Variants in CACNA1E observed in about 807,000 individuals in gnomAD.
CACNA1E encodes the protein voltage-dependent R-type calcium channel subunit alpha-1E.
Under a neutral mutation model 259.2 loss-of-function variants are expected in CACNA1E, and 40 were observed. The ratio of observed to expected loss-of-function variants is 0.15; its 90% CI spans 0.12 to 0.20. The LOEUF (loss-of-function observed/expected upper bound fraction) is 0.20. Ranked by LOEUF, CACNA1E falls within the 10% of genes least tolerant of loss-of-function variation. The probability of loss-of-function intolerance (pLI) is 1.00; values close to 1 mark genes in which losing one functional copy is unlikely to be tolerated. For synonymous variants in CACNA1E, 1,104 were observed against 1,138.5 expected (o/e 0.97, Z 0.61); for missense variants, 1,874 against 3,040.1 (o/e 0.62, Z 9.02).
At chr1:181,647,613 G>C (rs1003944318) in intron 6 of CACNA1E, among the ~76,000 whole-genome samples, 2 of 152,194 alleles carry the variant, frequency 1.3e-5, no homozygotes, top group African/African-American at 4.8e-5. Context: ...GTCGGTTGCT[G>C]CTGCTTTTTT....
chr1:181,686,275 G>GTTTTT (rs66526388), intron 7 of CACNA1E, among the ~76,000 whole-genome samples: 2 of 58,634 alleles, frequency 3.4e-5, no homozygotes, highest in Non-Finnish European at 6.3e-5. Flanking sequence ...TAAGAACCAA[G>GTTTTT]TTTTTTTTTT....
intron 7 of CACNA1E, among the ~76,000 whole-genome samples, chr1:181,662,129 G>A (rs976547937): frequency 9.9e-5 from 15 of 152,158 alleles, no homozygotes; most frequent in African/African-American, 2.4e-5. Context: ...GTGTGACCAT[G>A]GGGGTCACAT....
intron 2 of CACNA1E, among the ~76,000 whole-genome samples, chr1:181,472,879 T>C (rs1375012628): frequency 2.0e-5 from 3 of 152,230 alleles, no homozygotes; most frequent in African/African-American, 7.2e-5. Flanking sequence ...ACCTGAACAT[T>C]ATAGACTCCT....
chr1:181,565,933 C>A (rs1649784188), intron 3 of CACNA1E, among the ~76,000 whole-genome samples: 1 of 152,096 alleles, frequency 6.6e-6, no homozygotes, highest in Non-Finnish European at 1.5e-5. Flanking sequence ...AACAGAAATC[C>A]CTCGCCACTG....
upstream of CACNA1E, among the ~76,000 whole-genome samples, chr1:181,481,351 C>G (rs1663223681): frequency 6.6e-6 from 1 of 151,742 alleles, no homozygotes; most frequent in African/African-American, 2.4e-5. Context: ...CACACACACA[C>G]ACACACACAC....
At chr1:181,340,086 C>G (rs1363642542) in intron 1 of CACNA1E, among the ~76,000 whole-genome samples, 1 of 150,926 alleles carries the variant, frequency 6.6e-6, no homozygotes. Context: ...CTTTTCATGG[C>G]TTTATTTCTT....
At chr1:181,616,188 A>T (rs1655189911) in intron 6 of CACNA1E, among the ~76,000 whole-genome samples, 1 of 152,202 alleles carries the variant, frequency 6.6e-6, no homozygotes, top group African/African-American at 2.4e-5. Context: ...TGAAGTTTTG[A>T]TATTAAGGTT....
chr1:181,702,723 C>G (rs1652392480), intron 7 of CACNA1E, among the ~76,000 whole-genome samples: 1 of 152,142 alleles, frequency 6.6e-6, no homozygotes, highest in South Asian at 2.1e-4. Flanking sequence ...ATCCTCCTCC[C>G]CGGATGTCTG....
At chr1:181,515,095 A>G (rs750636717) in intron 3 of CACNA1E, among the ~76,000 whole-genome samples, 21 of 151,840 alleles carry the variant, frequency 1.4e-4, no homozygotes, top group Non-Finnish European at 2.6e-4. Context: ...CAGTTACTTC[A>G]CAACCCCAAG....
chr1:181,760,093 C>G (rs935541126), intron 32 of CACNA1E, among the ~76,000 whole-genome samples: 7 of 152,208 alleles, frequency 4.6e-5, no homozygotes, highest in African/African-American at 1.7e-4. Flanking sequence ...GAGGGAGACG[C>G]AAGCACCACA....
intron 27 of CACNA1E, among the ~76,000 whole-genome samples, chr1:181,754,770 C>A (rs545563191): frequency 6.6e-6 from 1 of 152,288 alleles, no homozygotes; most frequent in Non-Finnish European, 1.5e-5. Flanking sequence ...ATTACCTGAT[C>A]CTTTTAGAAA....
Position 181,784,602 on chromosome 1 carries a change from C to T in CACNA1E, c.5471-59C>T, listed in dbSNP as rs1029767627. ...GATTCAGCTCCTACCTTCACCTCCT[C>T]CCTCAGTCCTGGTTATTTCTGGGTC... On this transcript the variant is annotated intron_variant, in intron 40 of 47. Coordinates refer to ENST00000367573, the MANE Select transcript of CACNA1E (RefSeq NM_001205293.3). 2.6e-5 allele frequency: 30 copies of T among 1,172,380 alleles called. No homozygotes were observed. The African/African-American group carries it at 4.3e-4, about 17-fold the overall frequency. The allele number at this position is 1,172,380 out of a possible 1,614,324, so 72.6% of individuals were successfully genotyped here. A position where few individuals can be genotyped will look rare whatever the true frequency, so the allele number is the denominator to read the frequency against.
chr1:181,735,848 T>C (rs569667854), intron 21 of CACNA1E, among the ~76,000 whole-genome samples: 2 of 152,326 alleles, frequency 1.3e-5, no homozygotes, highest in African/African-American at 4.8e-5. Context: ...TTTTCCCATC[T>C]GTATCATGGG....
intron 1 of CACNA1E, among the ~76,000 whole-genome samples, chr1:181,350,345 C>T (rs1038311835): frequency 1.3e-5 from 2 of 152,200 alleles, no homozygotes; most frequent in Non-Finnish European, 2.9e-5. Flanking sequence ...GTGGTTCCTG[C>T]AGCTGCTCCC....
In CACNA1E at chr1:181,798,842, T is replaced by C. The variant is rs761460188; in HGVS notation, c.*8T>C. On this transcript the variant is annotated 3_prime_UTR_variant, in exon 48 of 48. Coordinates refer to ENST00000367573, the MANE Select transcript of CACNA1E (RefSeq NM_001205293.3). This position sits in a 1 kb window ranked among gnomAD's most constrained non-coding sequence, Gnocchi z 4.2. ...GAAGATGACAAATGCTAGAGGCTGC[T>C]CCCCCCTCCGATGCATGCTCTTCTC... 3 of 1,488,648 alleles carry C rather than the reference T, an allele frequency of 2.0e-6. No individual in the cohort carries two copies. Among genetic ancestry groups the C allele is most frequent in the South Asian group, 1.4e-5 (1 of 72,046 alleles). The allele number at this position is 1,488,648 out of a possible 1,614,324, so 92.2% of individuals were successfully genotyped here.
chr1:181,492,733 G>T (rs144220551), intron 1 of CACNA1E, among the ~76,000 whole-genome samples: 54 of 152,230 alleles, frequency 3.5e-4, no homozygotes, highest in African/African-American at 1.3e-3. Flanking sequence ...GCAAGAGGTT[G>T]TCAGATGATA....
At chr1:181,469,110 G>A (rs1269285029) in intron 2 of CACNA1E, among the ~76,000 whole-genome samples, 1 of 151,962 alleles carries the variant, frequency 6.6e-6, no homozygotes, top group Non-Finnish European at 1.5e-5. Flanking sequence ...CATTGTACAA[G>A]CGCTTCAATT....
rs563556370 is a variant in CACNA1E at position 181,796,018 on chromosome 1, T to C, written c.6209-650T>C. On this transcript the variant is annotated intron_variant, in intron 46 of 47. Coordinates refer to ENST00000367573, the MANE Select transcript of CACNA1E (RefSeq NM_001205293.3). ...GTGCCACCTTCCCCCCAAAAAGTTA[T>C]GCAGCCATATTTATGATAGAGTTCC... Among the ~76,000 whole-genome samples, 6 of 152,206 alleles carry C rather than the reference T, an allele frequency of 3.9e-5. No individual in the cohort carries two copies. The East Asian group carries it at 1.2e-3, about 29-fold the overall frequency.
At chr1:181,706,058 G>C (rs1344501796) in intron 7 of CACNA1E, among the ~76,000 whole-genome samples, 1 of 152,054 alleles carries the variant, frequency 6.6e-6, no homozygotes, top group African/African-American at 2.4e-5. Context: ...AAATGAAAAG[G>C]AGCCAATTAC....
Sources: allele counts gnomAD v4.1 joint callset (sites outside exome capture counted in the v4.1 genomes callset), GRCh38; gene constraint gnomAD v4.1.1; non-coding constraint Gnocchi (gnomAD v3.1); transcripts MANE v1.5; gene names NCBI Gene and HGNC (gene_info 2026-07-23, HGNC 2026-07-21).